PPP2R2C: variants seen among roughly 807,000 people sequenced by gnomAD.
PPP2R2C encodes the protein protein phosphatase 2, regulatory subunit B, gamma.
PPP2R2C carries 10 observed loss-of-function variants against 45.3 expected under a neutral mutation model. The ratio of observed to expected loss-of-function variants is 0.22; its 90% CI spans 0.14 to 0.37. PPP2R2C has a LOEUF of 0.37. Among genes scored for constraint, PPP2R2C ranks in the 10% least tolerant of loss-of-function variants. The pLI is 1.00. For missense variants in PPP2R2C, 308 were observed against 619.7 expected, an observed-to-expected ratio of 0.50 and a Z score of 5.34; for synonymous variants, 257 against 245.4, an observed-to-expected ratio of 1.05 and a Z score of -0.44.
chr4:6,410,629 AG>A (rs1336744868), intron 1 of PPP2R2C, among the ~76,000 whole-genome samples: 4 of 152,022 alleles, frequency 2.6e-5, no homozygotes, highest in African/African-American at 7.3e-5. Flanking sequence ...CAGGTGTGTG[AG>A]GGGGTGTGGC....
At chr4:6,325,467 C>T (rs1560439520) in intron 8 of PPP2R2C, among the ~76,000 whole-genome samples, 2 of 152,304 alleles carry the variant, frequency 1.3e-5, no homozygotes, top group South Asian at 2.1e-4. Flanking sequence ...ACACCCTCCC[C>T]GCGCCAGCAC....
chr4:6,382,277 T>G (rs1258284435), intron 1 of PPP2R2C: 4 of 1,251,828 alleles, frequency 3.2e-6, no homozygotes, highest in Non-Finnish European at 4.1e-6. Flanking sequence ...TGTCGTTCTT[T>G]GCTCTCCTGG....
rs565159681 is a variant in PPP2R2C, at chr4:6,393,677, G to A, written c.71-12583C>T. Among the ~76,000 whole-genome samples, 237 of 152,350 alleles carry A rather than the reference G, an allele frequency of 1.6e-3. 1 individual carries two copies. Among genetic ancestry groups the A allele is most frequent in the African/African-American group, 5.5e-3 (228 of 41,592 alleles). On this transcript the variant is annotated intron_variant, in intron 1 of 8. Coordinates refer to ENST00000382599, the MANE Select transcript of PPP2R2C (RefSeq NM_020416.4). ...GTGCACAAGGGACAGGGATCGGGGA[G>A]GCCAGGGGCTGTGGCTGCCAGTTTC... is the stretch of plus-strand genomic sequence containing the variant.
At chr4:6,425,483 G>C (rs57858478) in intron 1 of PPP2R2C, among the ~76,000 whole-genome samples, 1 of 152,152 alleles carries the variant, frequency 6.6e-6, no homozygotes, top group South Asian at 2.1e-4. Context: ...GGAAGTCTGG[G>C]GGTGTCCCCA....
chr4:6,456,469 T>C (rs1284112005), intron 1 of PPP2R2C, among the ~76,000 whole-genome samples: 1 of 152,238 alleles, frequency 6.6e-6, no homozygotes, highest in Non-Finnish European at 1.5e-5. Context: ...TGATGGATTA[T>C]ATTTTCACAG....
chr4:6,323,495 G>T lies in PPP2R2C; in HGVS notation c.1151C>A (p.Pro384His). The T allele has an allele frequency of 6.2e-7, 1 of 1,608,816 alleles. No homozygotes were observed. Among genetic ancestry groups the T allele is most frequent in the East Asian group, 2.2e-5 (1 of 44,700 alleles). ...TLEASRESSK[P>H]RAVLKPRRVC... ...GCGCCGTGGCTTGAGCACAGCCCGG[G>T]GCTTGCTGCTTTCCCTCGAGGCCTC... Residue 384 changes from proline to histidine, a missense_variant, in exon 9 of 9, where the codon CCC (proline) becomes CAC (histidine). By Grantham distance (77) the Pro-to-His change is moderately conservative. Transcript: ENST00000382599.
chr4:6,348,886 G>T, intron 5 of PPP2R2C: 1 of 737,048 alleles, frequency 1.4e-6, no homozygotes, highest in Non-Finnish European at 1.7e-6. Context: ...TTTTTGTTTA[G>T]AGTCAAGAAC....
At chr4:6,384,068 G>A (rs1415528903) in intron 1 of PPP2R2C, 31 of 985,388 alleles carry the variant, frequency 3.1e-5, no homozygotes, top group African/African-American at 3.5e-5. Context: ...ACACGGAAAC[G>A]CCCACCGGGC....
chr4:6,507,737 T>C (rs1723286609), intron 2 of PPP2R2C, among the ~76,000 whole-genome samples: 1 of 152,262 alleles, frequency 6.6e-6, no homozygotes, highest in Non-Finnish European at 1.5e-5. Flanking sequence ...TGGTTTGTTA[T>C]ACAGCAATAG....
chr4:6,351,805 G>C (rs1184120680), intron 5 of PPP2R2C, among the ~76,000 whole-genome samples: 2 of 152,144 alleles, frequency 1.3e-5, no homozygotes, highest in African/African-American at 4.8e-5. Context: ...GGGCAGCACA[G>C]CACCCTTCAC....
rs572268305 is a variant in PPP2R2C, at chr4:6,324,426, C to T, written c.1053-833G>A. 6.0e-5 allele frequency among the ~76,000 whole-genome samples: 8 copies of T among 132,242 alleles called. No homozygotes were observed. The highest frequency in any genetic ancestry group is 4.9e-4 in the Admixed American group (6 of 12,162). The allele number at this position is 132,242 out of a possible 152,430, so 86.8% of individuals were successfully genotyped here. A position where few individuals can be genotyped will look rare whatever the true frequency, so the allele number is the denominator to read the frequency against. On this transcript the variant is annotated intron_variant, in intron 8 of 8. Transcript: ENST00000382599. The surrounding 1 kb of genome is among the most constrained non-coding windows in gnomAD (Gnocchi z 4.1). ...AGCCTGGGCAATAAGAGCAAAACTCCGTCTCGAAAAAAGAAAAGAAAAGAA... is the reference window on the plus strand; with the variant it reads ...AGCCTGGGCAATAAGAGCAAAACTCTGTCTCGAAAAAAGAAAAGAAAAGAA...
chr4:6,406,738 CAG>C (rs762610015), intron 1 of PPP2R2C, among the ~76,000 whole-genome samples: 97 of 152,046 alleles, frequency 6.4e-4, no homozygotes, highest in Non-Finnish European at 1.2e-3. Flanking sequence ...GCCAGGGAAA[CAG>C]GGAAAAACTC....
At chr4:6,494,208 C>T (rs1456853795) in intron 2 of PPP2R2C, among the ~76,000 whole-genome samples, 1 of 152,160 alleles carries the variant, frequency 6.6e-6, no homozygotes, top group African/African-American at 2.4e-5. Context: ...AGCCAGGGGG[C>T]CCATACCAGC....
intron 2 of PPP2R2C, among the ~76,000 whole-genome samples, chr4:6,501,653 A>T (rs1723060349): frequency 6.6e-6 from 1 of 152,242 alleles, no homozygotes; most frequent in Non-Finnish European, 1.5e-5. Flanking sequence ...AATGGGGGAA[A>T]GGAGGTCCTT....
At chr4:6,393,909 A>C (rs1364426673) in intron 1 of PPP2R2C, among the ~76,000 whole-genome samples, 1 of 152,240 alleles carries the variant, frequency 6.6e-6, no homozygotes, top group East Asian at 1.9e-4. Flanking sequence ...CAGCACGACC[A>C]ACCCTCCATC....
chr4:6,375,663 G>T (rs978861758), intron 4 of PPP2R2C, among the ~76,000 whole-genome samples, 156 bp downstream of exon 4: 2 of 152,216 alleles, frequency 1.3e-5, no homozygotes, highest in African/African-American at 4.8e-5. Flanking sequence ...GGAAACTGAG[G>T]CAAGGGGCAG....
At chr4:6,465,909 G>A (rs1721567911) in intron 1 of PPP2R2C, among the ~76,000 whole-genome samples, 1 of 152,138 alleles carries the variant, frequency 6.6e-6, no homozygotes, top group South Asian at 2.1e-4. Context: ...AACAAGGAAG[G>A]ACTAGGAGGA....
At chr4:6,344,227 C>T (rs73204098) in intron 6 of PPP2R2C, among the ~76,000 whole-genome samples, 20 of 152,322 alleles carry the variant, frequency 1.3e-4, no homozygotes, top group Non-Finnish European at 1.9e-4. Flanking sequence ...TGGAATCTGC[C>T]GAGGCCCTAA....
intron 1 of PPP2R2C, among the ~76,000 whole-genome samples, chr4:6,448,848 G>A (rs1165590553): frequency 6.6e-6 from 1 of 152,220 alleles, no homozygotes; most frequent in African/African-American, 2.4e-5. Flanking sequence ...CCACCTGCAC[G>A]AAGGCTCACG....
Sources: gnomAD v4.1 joint callset for allele counts (sites outside exome capture counted in the v4.1 genomes callset) on GRCh38, gnomAD v4.1.1 for gene constraint, Gnocchi (gnomAD v3.1) non-coding constraint, MANE v1.5 for transcripts, NCBI Gene and HGNC (gene_info 2026-07-23, HGNC 2026-07-21) for gene names.